ASMTL: variants seen among roughly 807,000 people sequenced by gnomAD.
ASMTL encodes acetylserotonin O-methyltransferase like.
ASMTL carries 57 observed loss-of-function variants against 60.3 expected under a neutral mutation model. The ratio of observed to expected loss-of-function variants is 0.95; its 90% confidence interval spans 0.76 to 1.18. The LOEUF is 1.18. ASMTL is among the 50% of genes most tolerant of loss of function. The pLI is 0.00. For missense variants in ASMTL, 981 were observed against 852.6 expected, an observed-to-expected ratio of 1.15 and a Z score of -1.88; for synonymous variants, 419 against 373.0, an observed-to-expected ratio of 1.12 and a Z score of -1.42.
intron 12 of ASMTL, among the ~76,000 whole-genome samples, chrX:1,412,150 C>T (rs1424943190): frequency 6.6e-6 from 1 of 152,088 alleles, no homozygotes; most frequent in Non-Finnish European, 1.5e-5. Flanking sequence ...CAGATTTACC[C>T]TCCACAATTT....
Position 1,427,411 on chromosome X carries a change from G to A in ASMTL, c.897+323C>T, listed in dbSNP as rs112883362. Among the ~76,000 whole-genome samples, 1,073 of 152,078 alleles carry A rather than the reference G, an allele frequency of 7.1e-3. 19 individuals are homozygous for A. Among genetic ancestry groups the A allele is most frequent in the African/African-American group, 0.024 (997 of 41,482 alleles). On this transcript the variant is annotated intron_variant, in intron 7 of 12. Transcript: ENST00000381317. ...AAGAATCTCAAGAGGAAATCATCAC[G>A]AAGAAGGGTGGACTCCAAGTCCAAT...
chrX:1,405,194 A>G (rs2089765875), intron 12 of ASMTL, among the ~76,000 whole-genome samples: 1 of 150,434 alleles, frequency 6.6e-6, no homozygotes, highest in Non-Finnish European at 1.5e-5. Context: ...ATGGTAGATG[A>G]TGGGTACGTA....
chrX:1,452,213 TG>T (rs1420069270), intron 1 of ASMTL, among the ~76,000 whole-genome samples: 1 of 134,830 alleles, frequency 7.4e-6, no homozygotes, highest in Non-Finnish European at 1.6e-5. Flanking sequence ...TCCCCATGCC[TG>T]GGGGTCCCGG....
At chrX:1,407,767 G>A (rs779791406) in intron 12 of ASMTL, among the ~76,000 whole-genome samples, 7 of 152,090 alleles carry the variant, frequency 4.6e-5, no homozygotes, top group African/African-American at 1.7e-4. Context: ...GAGAGACAGA[G>A]ACAGGGTGGA....
intron 7 of ASMTL, 48 bp downstream of exon 7, chrX:1,427,686 G>A: frequency 1.9e-6 from 3 of 1,549,072 alleles, no homozygotes; most frequent in Non-Finnish European, 2.6e-6. Flanking sequence ...TAAGCCGAGT[G>A]TGTAGGCTCA....
chrX:1,434,821 GA>G (rs1247443702), intron 5 of ASMTL, among the ~76,000 whole-genome samples, 200 bp downstream of exon 5: 5 of 149,804 alleles, frequency 3.3e-5, no homozygotes, highest in African/African-American at 1.2e-4. Flanking sequence ...GAAAGAAAAA[GA>G]AAAAGATAAA....
chrX:1,447,586 G>A (rs2091255229), intron 1 of ASMTL, among the ~76,000 whole-genome samples: 1 of 146,210 alleles, frequency 6.8e-6, no homozygotes, highest in Admixed American at 6.8e-5. Context: ...CCACCATCTT[G>A]GAGACACACC....
intron 11 of ASMTL, among the ~76,000 whole-genome samples, chrX:1,417,148 TCA>T (rs1204394090): frequency 4.2e-5 from 6 of 142,580 alleles, no homozygotes; most frequent in African/African-American, 1.3e-4. Context: ...ACCACAGCAG[TCA>T]CATATGCACA....
Position 1,419,018 on chromosome X carries a change from T to C in ASMTL, c.1342A>G (p.Asn448Asp), listed in dbSNP as rs752631185. Residue 448 changes from asparagine (N) to aspartate (D), a missense_variant, in exon 10 of 13, where the codon AAT becomes GAT. By Grantham distance (23) the Asn-to-Asp change is conservative. Coordinates refer to ENST00000381317, the MANE Select transcript of ASMTL (RefSeq NM_004192.4). Reference protein sequence around the residue: ...LTACQVATAFNLSRFSSACDV... With the variant: ...LTACQVATAFDLSRFSSACDV... ...CAGGCGGAGGAGAAGCGGGACAGATTGAAGGCCGTGGCCACCTGGCACGCA... is the reference window on the plus strand; with the variant it reads ...CAGGCGGAGGAGAAGCGGGACAGATCGAAGGCCGTGGCCACCTGGCACGCA... 6.2e-7 allele frequency: 1 copy of C among 1,611,644 alleles called. No individual in the cohort carries two copies.
intron 5 of ASMTL, among the ~76,000 whole-genome samples, chrX:1,434,354 G>T (rs774836250): frequency 6.6e-5 from 10 of 152,104 alleles, no homozygotes; most frequent in African/African-American, 2.4e-4. Context: ...GCCAGGTGTG[G>T]TGGCGTGTGC....
intron 12 of ASMTL, among the ~76,000 whole-genome samples, chrX:1,405,715 ATATGGATG>A (rs1203736070): frequency 1.3e-5 from 2 of 149,468 alleles, no homozygotes; most frequent in Non-Finnish European, 3.0e-5. Context: ...ATGGATGGAT[ATATGGATG>A]TATGGATGAG....
intron 1 of ASMTL, among the ~76,000 whole-genome samples, chrX:1,446,000 A>T (rs1170838224): frequency 6.6e-6 from 1 of 152,026 alleles, no homozygotes; most frequent in Non-Finnish European, 1.5e-5. Flanking sequence ...ACCCGCCCGC[A>T]GTTATCCGGA....
chrX:1,417,908 C>T (rs1303110519), intron 11 of ASMTL, 65 bp downstream of exon 11: 9 of 1,542,422 alleles, frequency 5.8e-6, no homozygotes, highest in African/African-American at 1.4e-5. Flanking sequence ...CAGCCATGCC[C>T]TCTGTCTAGA....
Position 1,428,003 on chromosome X carries a change from T to C in ASMTL, c.628A>G (p.Lys210Glu). 6.2e-7 allele frequency: 1 copy of C among 1,613,616 alleles called. No homozygotes were observed. The highest frequency in any genetic ancestry group is 1.1e-5 in the South Asian group (1 of 91,070). The change falls in exon 7 of 13, where the codon AAG (lysine) becomes GAG (glutamate). Residue 210 changes from lysine to glutamate, a missense_variant. Lys to Glu is a moderately conservative substitution (Grantham distance 56). Transcript: ENST00000381317. Reference sequence around the variant, plus strand: ...TCCGGACGGGGCGGGTAGTAGAGCTTCACCAGCTGCTTGCAGAAGTGGTTC... The same window carrying C: ...TCCGGACGGGGCGGGTAGTAGAGCTCCACCAGCTGCTTGCAGAAGTGGTTC... ...PLNHFCKQLV[K>E]LYYPPRPEDL...
Position 1,435,682 on chromosome X carries a change from C to G in ASMTL, c.338+12G>C, listed in dbSNP as rs1406788139. ...GAACCCGAGAGGGCTCAGAGGCCAA[C>G]ATGGTGCTTACCGGGACAGCATCCT... is the stretch of plus-strand genomic sequence containing the variant. On this transcript the variant is annotated intron_variant, in intron 4 of 12. Coordinates refer to ENST00000381317, the MANE Select transcript of ASMTL (RefSeq NM_004192.4). 6.2e-7 allele frequency: 1 copy of G among 1,613,440 alleles called. No homozygotes were observed. The highest frequency in any genetic ancestry group is 8.5e-7 in the Non-Finnish European group (1 of 1,179,834).
intron 1 of ASMTL, among the ~76,000 whole-genome samples, chrX:1,450,291 C>G (rs1423508256): frequency 6.6e-6 from 1 of 151,882 alleles, no homozygotes; most frequent in African/African-American, 2.4e-5. Flanking sequence ...GAATAAGATC[C>G]TCATGGGGGC....
At chrX:1,435,631 AG>A (rs1364683198) in intron 4 of ASMTL, 62 bp downstream of exon 4, 3 of 1,535,364 alleles carry the variant, frequency 2.0e-6, no homozygotes, top group African/African-American at 2.7e-5. Flanking sequence ...ACACCCGGCC[AG>A]ATACCACAGC....
At chrX:1,430,870 A>C (rs1424187498) in intron 6 of ASMTL, among the ~76,000 whole-genome samples, 2 of 141,302 alleles carry the variant, frequency 1.4e-5, no homozygotes, top group African/African-American at 2.6e-5. Flanking sequence ...ATATACTTTT[A>C]TAATATAAAA....
intron 9 of ASMTL, 191 bp from the exon 10 acceptor site, chrX:1,419,305 G>C (rs1347572771): frequency 4.1e-5 from 8 of 194,720 alleles, no homozygotes; most frequent in Non-Finnish European, 6.5e-5. Context: ...GGGCTGGCTG[G>C]GGACAGAGGA....
Sources: gnomAD v4.1 joint callset for allele counts (sites outside exome capture counted in the v4.1 genomes callset) on GRCh38, gnomAD v4.1.1 for gene constraint, MANE v1.5 for transcripts, NCBI Gene and HGNC (gene_info 2026-07-23, HGNC 2026-07-21) for gene names.